Variants in SLC8A3 observed in about 807,000 individuals in gnomAD.
SLC8A3 encodes the protein solute carrier family 8 member A3.
SLC8A3 carries 37 observed loss-of-function variants against 65.4 expected under a neutral mutation model. The observed-to-expected ratio is 0.57, with a 90% CI of 0.44 to 0.74. SLC8A3 has a LOEUF of 0.74. Ranked by LOEUF, SLC8A3 falls within the 30% of genes least tolerant of loss-of-function variation. SLC8A3 has a pLI of 0.00. For synonymous variants in SLC8A3, 461 were observed against 444.5 expected (o/e 1.04, Z -0.47); for missense variants, 1,112 against 1,172.1 (o/e 0.95, Z 0.75).
At position 70,168,316 on chromosome 14, in the gene SLC8A3, C is replaced by T. The variant is rs199621457; in HGVS notation, c.107G>A (p.Gly36Glu). 6.2e-7 allele frequency: 1 copy of T among 1,614,152 alleles called. No homozygotes were observed. Among genetic ancestry groups the T allele is most frequent in the East Asian group, 2.2e-5 (1 of 44,882 alleles). The change falls in exon 2 of 7, where the codon GGG becomes GAG. Residue 36 changes from glycine (G) to glutamate (E), a missense_variant. Physicochemically the swap from Gly to Glu is moderately conservative, Grantham distance 98. Transcript: ENST00000356921. ...GTTCTGCCCTGTGCTTGGCACGTCC[C>T]CTGAGCCACCAGCCTCTGCTCGAAG... Reference protein sequence around the residue: ...NGLRAEAGGSGDVPSTGQNNE... With the variant: ...NGLRAEAGGSEDVPSTGQNNE...
chr14:70,077,973 A>T (rs1324795262), intron 2 of SLC8A3, among the ~76,000 whole-genome samples: 2 of 152,218 alleles, frequency 1.3e-5, no homozygotes, highest in Non-Finnish European at 2.9e-5. Flanking sequence ...TGTCCTATTG[A>T]TGGAAATAAA....
chr14:70,079,744 C>A lies in SLC8A3; in HGVS notation c.1785-18805G>T, dbSNP rs190192815. Among the ~76,000 whole-genome samples, 227 of 152,172 alleles carry A rather than the reference C, an allele frequency of 1.5e-3. 1 individual carries two copies. Among genetic ancestry groups the A allele is most frequent in the Non-Finnish European group, 1.5e-3 (103 of 68,010 alleles). ...ACACAGGTGCTGCTTAGATAGAAGC[C>A]TTATATTTGGCCCAGTCTCTTCCAA... On this transcript the variant is annotated intron_variant, in intron 2 of 6. Transcript: ENST00000356921.
chr14:70,069,187 C>A (rs1309262908), intron 2 of SLC8A3, among the ~76,000 whole-genome samples: 1 of 152,186 alleles, frequency 6.6e-6, no homozygotes, highest in Non-Finnish European at 1.5e-5. Flanking sequence ...GATGTCATTC[C>A]CAAGCTGCAG....
In SLC8A3 at chr14:70,167,680, G is replaced by C. The variant is rs1184779979; in HGVS notation, c.743C>G (p.Ala248Gly). ...LFFFPVCVLL[A>G]WVADKRLLFY... ...GAGCAGTCGTTTATCTGCCACCCAG[G>C]CCAGAAGGACACACACTGGAAAGAA... The change falls in exon 2 of 7, where the codon GCC (alanine) becomes GGC (glycine). Residue 248 changes from alanine (A) to glycine (G), a missense_variant. Transcript: ENST00000356921. The C allele has an allele frequency of 1.2e-6, 2 of 1,614,084 alleles. No homozygotes were observed. The highest frequency in any genetic ancestry group is 1.7e-5 in the Admixed American group (1 of 60,010).
intron 2 of SLC8A3, among the ~76,000 whole-genome samples, chr14:70,155,459 G>A (rs941120630): frequency 5.3e-5 from 8 of 152,078 alleles, no homozygotes; most frequent in Admixed American, 1.3e-4. Context: ...TCCCACATAT[G>A]AGTGAGAATA....
chr14:70,149,105 C>T (rs1328482820), intron 2 of SLC8A3, among the ~76,000 whole-genome samples: 1 of 152,164 alleles, frequency 6.6e-6, no homozygotes, highest in Admixed American at 6.5e-5. Flanking sequence ...CATAAATGTC[C>T]AACACCTGCT....
chr14:70,060,365 G>A (rs1301346998), intron 3 of SLC8A3: 1 of 285,686 alleles, frequency 3.5e-6, no homozygotes, highest in Non-Finnish European at 6.8e-6. Context: ...GGGTGGCAGG[G>A]GAGGAAGGCA....
chr14:70,076,194 A>T lies in SLC8A3; in HGVS notation c.1785-15255T>A, dbSNP rs140849498. Among the ~76,000 whole-genome samples the T allele has an allele frequency of 9.2e-5, 14 of 152,324 alleles. No homozygotes were observed. In the East Asian group the frequency reaches 2.7e-3, roughly 29 times the overall value. On this transcript the variant is annotated intron_variant, in intron 2 of 6. Transcript: ENST00000356921. The stretch of plus-strand genomic sequence containing the variant: ...TCTGCCTGGAGCTTTCCTTCTCCAG[A>T]TAGTCTCATGACCAGGTTCTTTTTA...
At chr14:70,084,353 T>C (rs1046876943) in intron 2 of SLC8A3, among the ~76,000 whole-genome samples, 4 of 152,220 alleles carry the variant, frequency 2.6e-5, no homozygotes, top group Non-Finnish European at 4.4e-5. Context: ...CCATTAAGAG[T>C]AGTTTCAGTG....
chr14:70,068,037 C>A (rs897823641), intron 2 of SLC8A3, among the ~76,000 whole-genome samples: 8 of 152,222 alleles, frequency 5.3e-5, no homozygotes, highest in African/African-American at 1.9e-4. Flanking sequence ...GGCTGAGCTG[C>A]TGCGGAAACC....
chr14:70,100,043 A>C (rs774303588), intron 2 of SLC8A3, among the ~76,000 whole-genome samples: 1 of 149,318 alleles, frequency 6.7e-6, no homozygotes, highest in Non-Finnish European at 1.5e-5. Flanking sequence ...GAAATCAAGC[A>C]GCCTTTAATA....
intron 2 of SLC8A3, chr14:70,080,179 C>A (rs1050650679): frequency 7.6e-5 from 75 of 985,186 alleles, no homozygotes; most frequent in Non-Finnish European, 8.0e-5. Context: ...CCTAGGTTTT[C>A]GGCTCCATGC....
At chr14:70,089,357 G>A (rs1336936835) in intron 2 of SLC8A3, among the ~76,000 whole-genome samples, 2 of 152,126 alleles carry the variant, frequency 1.3e-5, no homozygotes, top group Non-Finnish European at 2.9e-5. Context: ...CCAGCATGAA[G>A]AACAGTTTCC....
intron 2 of SLC8A3, among the ~76,000 whole-genome samples, chr14:70,110,666 CCT>C (rs1491114200): frequency 2.2e-5 from 3 of 135,962 alleles, no homozygotes; most frequent in Non-Finnish European, 4.5e-5. Context: ...AGTGCAGATA[CCT>C]CTTTCTTTTT....
chr14:70,106,030 T>C (rs551058921), intron 2 of SLC8A3, among the ~76,000 whole-genome samples: 1 of 152,168 alleles, frequency 6.6e-6, no homozygotes, highest in Non-Finnish European at 1.5e-5. Context: ...AATGACAAAA[T>C]TCAAACTCAT....
At chr14:70,065,002 T>G (rs1422565453) in intron 2 of SLC8A3, among the ~76,000 whole-genome samples, 3 of 151,994 alleles carry the variant, frequency 2.0e-5, no homozygotes, top group Admixed American at 6.5e-5. Flanking sequence ...CACTGCTAGG[T>G]GGGTGGGTGT....
intron 2 of SLC8A3, among the ~76,000 whole-genome samples, chr14:70,164,477 C>A (rs1897054981): frequency 6.6e-6 from 1 of 152,076 alleles, no homozygotes; most frequent in African/African-American, 2.4e-5. Flanking sequence ...CCAGAATTCT[C>A]AAGGTTGACA....
chr14:70,062,893 G>T (rs2139845472), intron 2 of SLC8A3, among the ~76,000 whole-genome samples: 1 of 152,292 alleles, frequency 6.6e-6, no homozygotes, highest in East Asian at 1.9e-4. Context: ...CAACAGGCAT[G>T]TACTGGAGGG....
chr14:70,169,567 C>G (rs187541096), intron 1 of SLC8A3, among the ~76,000 whole-genome samples: 13 of 151,456 alleles, frequency 8.6e-5, no homozygotes, highest in Admixed American at 5.9e-4. Flanking sequence ...AAAAGGTGAG[C>G]TTGAGCTCAG....
Sources: gnomAD v4.1 joint callset for allele counts (sites outside exome capture counted in the v4.1 genomes callset) on GRCh38, gnomAD v4.1.1 for gene constraint, MANE v1.5 for transcripts, NCBI Gene and HGNC (gene_info 2026-07-23, HGNC 2026-07-21) for gene names.